The following AGPS variants were observed in gnomAD, a reference collection of about 807,000 sequenced individuals.
The protein encoded by AGPS is alkyldihydroxyacetonephosphate synthase, peroxisomal.
AGPS carries 26 observed loss-of-function variants against 90.7 expected under a neutral mutation model. That is an observed-to-expected ratio of 0.29 (90% CI 0.21 to 0.40). The LOEUF is 0.40. Ranked by LOEUF, AGPS falls within the 10% of genes least tolerant of loss-of-function variation. The probability of loss-of-function intolerance (pLI) is 1.00; values close to 1 mark genes in which losing one functional copy is unlikely to be tolerated. For missense variants in AGPS, 540 were observed against 816.1 expected (o/e 0.66, Z 4.12); for synonymous variants, 294 against 285.3 (o/e 1.03, Z -0.31).
intron 11 of AGPS, among the ~76,000 whole-genome samples, chr2:177,485,341 G>A (rs1353452675): frequency 1.3e-5 from 2 of 152,130 alleles, no homozygotes; most frequent in African/African-American, 4.8e-5. Flanking sequence ...AATAAGAAGT[G>A]ATGTACAAAT....
At chr2:177,519,513 A>G (rs1186027330) in intron 17 of AGPS, among the ~76,000 whole-genome samples, 2 of 152,230 alleles carry the variant, frequency 1.3e-5, no homozygotes, top group East Asian at 3.8e-4. Flanking sequence ...TATACAGCTT[A>G]GAAGAGTTTC....
intron 8 of AGPS, among the ~76,000 whole-genome samples, chr2:177,449,933 G>A (rs1686887973): frequency 6.6e-6 from 1 of 151,908 alleles, no homozygotes; most frequent in Non-Finnish European, 1.5e-5. Flanking sequence ...CGCCTCCCGG[G>A]TTCATGCCAT....
chr2:177,466,343 C>T (rs1242636979), intron 9 of AGPS, among the ~76,000 whole-genome samples: 2 of 152,192 alleles, frequency 1.3e-5, no homozygotes, highest in Non-Finnish European at 2.9e-5. Context: ...GAAGTTTGTG[C>T]TGATTGGTCC....
chr2:177,535,638 A>G (rs1181448894), intron 19 of AGPS, among the ~76,000 whole-genome samples: 1 of 152,146 alleles, frequency 6.6e-6, no homozygotes, highest in Non-Finnish European at 1.5e-5. Flanking sequence ...AGACTCCAAT[A>G]ATTGTCTTGT....
intron 1 of AGPS, among the ~76,000 whole-genome samples, chr2:177,394,090 G>A (rs1685101081): frequency 6.6e-6 from 1 of 152,192 alleles, no homozygotes; most frequent in South Asian, 2.1e-4. Context: ...ACATCAAATT[G>A]ACTTCATGGC....
At chr2:177,430,314 T>A (rs1230322251) in intron 2 of AGPS, among the ~76,000 whole-genome samples, 1 of 152,148 alleles carries the variant, frequency 6.6e-6, no homozygotes, top group Non-Finnish European at 1.5e-5. Flanking sequence ...TGCAGAACAA[T>A]GTTGCTTGGA....
At chr2:177,435,048 G>A (rs1172923969) in intron 3 of AGPS, among the ~76,000 whole-genome samples, 1 of 140,058 alleles carries the variant, frequency 7.1e-6, no homozygotes, top group Non-Finnish European at 1.5e-5. Flanking sequence ...GAAATATTTA[G>A]CGTTTCTTTT....
chr2:177,399,052 T>C (rs1158131434), intron 1 of AGPS, among the ~76,000 whole-genome samples: 2 of 152,224 alleles, frequency 1.3e-5, no homozygotes, highest in Non-Finnish European at 2.9e-5. Flanking sequence ...CTTCTCTACA[T>C]AGACTTTTTT....
intron 3 of AGPS, among the ~76,000 whole-genome samples, chr2:177,434,729 A>G (rs1311949605): frequency 1.3e-5 from 2 of 152,092 alleles, no homozygotes; most frequent in Non-Finnish European, 2.9e-5. Flanking sequence ...AGTGAAGTGC[A>G]GATTATTTAC....
intron 5 of AGPS, 126 bp downstream of exon 5, chr2:177,437,180 GT>G: frequency 1.1e-6 from 1 of 914,496 alleles, no homozygotes; most frequent in Non-Finnish European, 1.8e-6. Context: ...TTTTAAGAGA[GT>G]TTACATAACA....
intron 19 of AGPS, among the ~76,000 whole-genome samples, chr2:177,537,468 A>C (rs2079194292): frequency 6.6e-6 from 1 of 152,088 alleles, no homozygotes; most frequent in Non-Finnish European, 1.5e-5. Flanking sequence ...ATCTGGAAAA[A>C]CAGTAGGAAG....
intron 1 of AGPS, among the ~76,000 whole-genome samples, chr2:177,394,666 T>C (rs1685119230): frequency 6.6e-6 from 1 of 152,218 alleles, no homozygotes; most frequent in Non-Finnish European, 1.5e-5. Flanking sequence ...CAATTTCCAC[T>C]ACACCGTTAC....
chr2:177,505,088 A>G (rs1425667023), intron 14 of AGPS, among the ~76,000 whole-genome samples: 2 of 150,950 alleles, frequency 1.3e-5, no homozygotes, highest in East Asian at 2.1e-4. Context: ...TAAAATAAAC[A>G]CCACATCTAA....
At chr2:177,460,898 A>G (rs774805630) in intron 8 of AGPS, among the ~76,000 whole-genome samples, 6 of 152,256 alleles carry the variant, frequency 3.9e-5, no homozygotes, top group Non-Finnish European at 8.8e-5. Flanking sequence ...AAATTAGAAT[A>G]GATAGAGAAT....
intron 19 of AGPS, among the ~76,000 whole-genome samples, chr2:177,532,061 C>T (rs1317767286): frequency 6.6e-6 from 1 of 151,736 alleles, no homozygotes; most frequent in Admixed American, 6.6e-5. Context: ...GGATCTAGAG[C>T]CAGGCAAAGA....
chr2:177,476,135 CATTG>C, intron 10 of AGPS, among the ~76,000 whole-genome samples: 1 of 151,760 alleles, frequency 6.6e-6, no homozygotes, highest in Middle Eastern at 3.4e-3. Flanking sequence ...CTTTTGGTTT[CATTG>C]ATTATTTTTT....
At chr2:177,443,888 C>T (rs937828157) in intron 7 of AGPS, among the ~76,000 whole-genome samples, 5 of 152,060 alleles carry the variant, frequency 3.3e-5, no homozygotes, top group Admixed American at 1.3e-4. Context: ...GTTTTTTCTG[C>T]TTCTTTTAAT....
At position 177,392,996 on chromosome 2, in the gene AGPS, A is replaced by AGCGCCCACGGCC. The variant is rs1685063977; in HGVS notation, c.208_219dup (p.Ala70_Ala73dup). The AGCGCCCACGGCC allele has an allele frequency of 2.6e-6, 4 of 1,550,018 alleles. No individual in the cohort carries two copies. The highest frequency in any genetic ancestry group is 3.5e-6 in the Non-Finnish European group (4 of 1,146,712). On this transcript the variant is annotated inframe_insertion, in exon 1 of 20. Coordinates refer to ENST00000264167, the MANE Select transcript of AGPS (RefSeq NM_003659.4). Reference sequence around the variant, plus strand: ...GGAGAGCCGCGTCGGCGGCCACGGCAGCGCCCACGGCCACTCCCGCCGCGC... The same window carrying AGCGCCCACGGCC: ...GGAGAGCCGCGTCGGCGGCCACGGCAGCGCCCACGGCCGCGCCCACGGCCACTCCCGCCGCGC...
At chr2:177,435,051 TTTC>T (rs1445539500) in intron 3 of AGPS, among the ~76,000 whole-genome samples, 2 of 145,504 alleles carry the variant, frequency 1.4e-5, no homozygotes, top group Non-Finnish European at 3.0e-5. Context: ...ATATTTAGCG[TTTC>T]TTTTTATTAT....
Sources: allele counts gnomAD v4.1 joint callset (sites outside exome capture counted in the v4.1 genomes callset), GRCh38; gene constraint gnomAD v4.1.1; transcripts MANE v1.5; gene names NCBI Gene and HGNC (gene_info 2026-07-23, HGNC 2026-07-21).